Variants in MACROD1 observed in about 807,000 individuals in gnomAD.
MACROD1 encodes the protein ADP-ribose glycohydrolase MACROD1.
A neutral mutation model predicts 41.4 loss-of-function variants in MACROD1; 31 were observed. That is an observed-to-expected ratio of 0.75 (90% CI 0.56 to 1.01). The LOEUF (loss-of-function observed/expected upper bound fraction) is 1.01, where lower values mean the gene tolerates loss of function less well. Among genes scored for constraint, MACROD1 ranks in the 50% least tolerant of loss-of-function variants. The pLI, the probability that MACROD1 is intolerant of heterozygous loss-of-function variation, is 0.00. For missense variants in MACROD1, 473 were observed against 460.0 expected, an observed-to-expected ratio of 1.03 and a Z score of -0.26; for synonymous variants, 252 against 203.4, an observed-to-expected ratio of 1.24 and a Z score of -2.03.
intron 3 of MACROD1, among the ~76,000 whole-genome samples, chr11:64,015,834 C>T (rs368099980): frequency 1.8e-3 from 234 of 131,492 alleles, no homozygotes; most frequent in African/African-American, 5.9e-3. Flanking sequence ...GGGGCAGGGG[C>T]GGGGGCGTCC....
At chr11:64,041,809 AG>A (rs986844088) in intron 3 of MACROD1, among the ~76,000 whole-genome samples, 3 of 152,002 alleles carry the variant, frequency 2.0e-5, no homozygotes, top group African/African-American at 7.2e-5. Context: ...TCTGGCTGTT[AG>A]GGGGTGGGTG....
At chr11:64,117,300 G>A in intron 3 of MACROD1, 1 of 1,614,140 alleles carries the variant, frequency 6.2e-7, no homozygotes, top group Non-Finnish European at 8.5e-7. Context: ...CTGGGTGAAG[G>A]CACGGGCGGC....
In MACROD1 at chr11:63,998,690, G is replaced by GAGGGC. The variant is rs1942755847; in HGVS notation, c.*31-8_*31-4dup. 7.4e-7 allele frequency: 1 copy of GAGGGC among 1,353,270 alleles called. No homozygotes were observed. Among genetic ancestry groups the GAGGGC allele is most frequent in the Non-Finnish European group, 9.5e-7 (1 of 1,056,208 alleles). The allele number at this position is 1,353,270 out of a possible 1,614,324, so 83.8% of individuals were successfully genotyped here. ...GGAGCGGGGTCCCGAAGGCGGGTCT[G>GAGGGC]AGGGCAGAGCAGAGTCAGAGGTGTC... On this transcript the variant is annotated splice_region_variant and splice_polypyrimidine_tract_variant and intron_variant, in intron 10 of 10. Transcript: ENST00000255681.
intron 3 of MACROD1, among the ~76,000 whole-genome samples, chr11:64,075,445 C>T (rs944810521): frequency 6.6e-5 from 10 of 152,244 alleles, no homozygotes; most frequent in African/African-American, 2.4e-4. Context: ...TGGAAGCAAC[C>T]GAAGCTCAGA....
In MACROD1 at chr11:64,104,061, G is replaced by T. The variant is rs687581; in HGVS notation, c.517+47178C>A. The T allele has an allele frequency of 0.49, 75,167 of 152,268 alleles. 20,342 individuals are homozygous for T. The highest frequency in any genetic ancestry group is 0.6 in the Non-Finnish European group (41,014 of 67,994). 9.4% of individuals were successfully genotyped at this position (152,268 alleles called of 1,614,324 possible). ...AGGCCTGGTAGGACCACGGGGCAGG[G>T]AATGTGAGCGCCATCTGAGCTCACG... On this transcript the variant is annotated intron_variant, in intron 3 of 10. Transcript: ENST00000255681.
At chr11:64,061,200 C>T (rs751642079) in intron 3 of MACROD1, among the ~76,000 whole-genome samples, 4 of 152,238 alleles carry the variant, frequency 2.6e-5, no homozygotes, top group Non-Finnish European at 4.4e-5. Context: ...ATAAGTCCCC[C>T]GCTTCTAACC....
rs1382276708 is a variant in MACROD1, at chr11:64,011,656, G to A, written c.547+3596C>T. 3.3e-5 allele frequency among the ~76,000 whole-genome samples: 5 copies of A among 152,116 alleles called. No individual in the cohort carries two copies. The East Asian group carries it at 7.7e-4, about 24-fold the overall frequency. On this transcript the variant is annotated intron_variant, in intron 4 of 10. Coordinates refer to ENST00000255681, the MANE Select transcript of MACROD1 (RefSeq NM_014067.4). The stretch of plus-strand genomic sequence containing the variant: ...AACGCAAGCAGGGAATCAGGGCTGC[G>A]GGACGAAGACATGGAGCAGGGCAGT...
At chr11:64,016,155 T>C (rs985481435) in intron 3 of MACROD1, among the ~76,000 whole-genome samples, 3 of 152,118 alleles carry the variant, frequency 2.0e-5, no homozygotes, top group African/African-American at 7.2e-5. Context: ...TCTCAGTCTG[T>C]CCGATCGGCT....
At chr11:64,025,370 G>A (rs958425996) in intron 3 of MACROD1, among the ~76,000 whole-genome samples, 1 of 152,202 alleles carries the variant, frequency 6.6e-6, no homozygotes, top group African/African-American at 2.4e-5. Context: ...CCCCATCCCA[G>A]GAGGCGTGGC....
chr11:64,109,068 C>T (rs754820624), intron 3 of MACROD1, among the ~76,000 whole-genome samples: 6 of 152,258 alleles, frequency 3.9e-5, no homozygotes, highest in Non-Finnish European at 8.8e-5. Flanking sequence ...TTCCTCTCCC[C>T]GCCTGGCCCT....
chr11:64,080,885 TGAG>T (rs1206572777), intron 3 of MACROD1, among the ~76,000 whole-genome samples: 1 of 152,196 alleles, frequency 6.6e-6, no homozygotes, highest in Non-Finnish European at 1.5e-5. Context: ...TTTCTGGCAC[TGAG>T]GACTCGGGCT....
At chr11:64,012,402 A>C (rs1590799582) in intron 4 of MACROD1, among the ~76,000 whole-genome samples, 1 of 116,932 alleles carries the variant, frequency 8.6e-6, no homozygotes. Flanking sequence ...TTCATTCAAT[A>C]AACTTTTTTT....
chr11:64,095,085 A>G (rs1267957576), intron 3 of MACROD1, among the ~76,000 whole-genome samples: 1 of 152,230 alleles, frequency 6.6e-6, no homozygotes, highest in Non-Finnish European at 1.5e-5. Flanking sequence ...AGGAAAATAT[A>G]CAATGAGAGG....
chr11:64,017,670 C>A (rs1194995959), intron 3 of MACROD1, among the ~76,000 whole-genome samples: 1 of 152,154 alleles, frequency 6.6e-6, no homozygotes, highest in African/African-American at 2.4e-5. Context: ...GGCAGTGCCA[C>A]CCCAGAGCCA....
intron 3 of MACROD1, among the ~76,000 whole-genome samples, chr11:64,028,786 G>A (rs1943257201): frequency 6.6e-6 from 1 of 152,144 alleles, no homozygotes; most frequent in African/African-American, 2.4e-5. Context: ...ACCTGTGCCC[G>A]GCAGGTAAGT....
At chr11:64,076,487 C>T (rs996800671) in intron 3 of MACROD1, among the ~76,000 whole-genome samples, 4 of 152,118 alleles carry the variant, frequency 2.6e-5, no homozygotes, top group African/African-American at 9.7e-5. Context: ...GATGGATGGA[C>T]GGATGATGTC....
At chr11:64,162,684 G>C (rs555850235) in intron 1 of MACROD1, among the ~76,000 whole-genome samples, 1 of 150,866 alleles carries the variant, frequency 6.6e-6, no homozygotes, top group Admixed American at 6.6e-5. Flanking sequence ...GCATGGTGAC[G>C]GGCACCTGTA....
chr11:64,097,210 C>G (rs1944592395), intron 3 of MACROD1, among the ~76,000 whole-genome samples: 2 of 152,236 alleles, frequency 1.3e-5, no homozygotes. Flanking sequence ...CCAGACCCCC[C>G]AGAAAGTACA....
chr11:64,083,945 G>A (rs1330251717), intron 3 of MACROD1, among the ~76,000 whole-genome samples: 2 of 152,206 alleles, frequency 1.3e-5, no homozygotes, highest in African/African-American at 2.4e-5. Flanking sequence ...GCGGCAGCCC[G>A]GCGCTGCTGT....
Sources: allele counts gnomAD v4.1 joint callset (sites outside exome capture counted in the v4.1 genomes callset), GRCh38; gene constraint gnomAD v4.1.1; transcripts MANE v1.5; gene names NCBI Gene and HGNC (gene_info 2026-07-23, HGNC 2026-07-21).